Variants in SRC observed in about 807,000 individuals in gnomAD.
SRC encodes SRC proto-oncogene, non-receptor tyrosine kinase.
SRC carries 13 observed loss-of-function variants against 62.9 expected under a neutral mutation model. That is an observed-to-expected ratio of 0.21 (90% CI 0.13 to 0.33). The LOEUF (loss-of-function observed/expected upper bound fraction) is 0.33. Among genes scored for constraint, SRC ranks in the 10% least tolerant of loss-of-function variants. The probability of loss-of-function intolerance (pLI) is 1.00; values close to 1 mark genes in which losing one functional copy is unlikely to be tolerated. For missense variants in SRC, 457 were observed against 737.3 expected, an observed-to-expected ratio of 0.62 and a Z score of 4.40; for synonymous variants, 302 against 317.5, an observed-to-expected ratio of 0.95 and a Z score of 0.52.
At chr20:37,377,370 T>G (rs181082043) in intron 2 of SRC, among the ~76,000 whole-genome samples, 1 of 152,342 alleles carries the variant, frequency 6.6e-6, no homozygotes, top group African/African-American at 2.4e-5. Flanking sequence ...CAGCCAGGAC[T>G]CGAACCCAGG....
intron 1 of SRC, among the ~76,000 whole-genome samples, chr20:37,355,933 C>A (rs1392134584): frequency 6.6e-6 from 1 of 152,186 alleles, no homozygotes; most frequent in African/African-American, 2.4e-5. Context: ...ACAGGGCACT[C>A]AGGCTTGGGC....
chr20:37,355,250 G>A (rs1432908733), intron 1 of SRC, among the ~76,000 whole-genome samples: 4 of 68,788 alleles, frequency 5.8e-5, no homozygotes, highest in Admixed American at 1.7e-4. Flanking sequence ...CCCCCACCCC[G>A]CCAGGTGTTC....
chr20:37,395,414 T>G lies in SRC; in HGVS notation c.554-748T>G, dbSNP rs1252590692. On this transcript the variant is annotated intron_variant, in intron 7 of 13. Transcript: ENST00000373578. Reference sequence around the variant, plus strand: ...CTGCCCCTGCCTCCGGGGCTCAGCCTTGTTCCCTGATGCCATTTGGGCGTC... The same window carrying G: ...CTGCCCCTGCCTCCGGGGCTCAGCCGTGTTCCCTGATGCCATTTGGGCGTC... Among the ~76,000 whole-genome samples, 3 of 152,242 alleles carry G rather than the reference T, an allele frequency of 2.0e-5. No individual in the cohort carries two copies. The East Asian group carries it at 5.8e-4, about 29-fold the overall frequency.
intron 1 of SRC, among the ~76,000 whole-genome samples, chr20:37,355,660 A>G (rs944291553): frequency 5.9e-5 from 9 of 152,202 alleles, no homozygotes; most frequent in Non-Finnish European, 1.0e-4. Flanking sequence ...GGTAGGGGCC[A>G]TATGAACTAT....
At chr20:37,393,853 C>G (rs370777546) in intron 5 of SRC, 42 bp from the exon 6 acceptor site, 5 of 1,491,352 alleles carry the variant, frequency 3.4e-6, no homozygotes, top group Non-Finnish European at 9.3e-7. Context: ...TTGTGGCTGA[C>G]GGCTCCCTTC....
At chr20:37,375,103 G>A (rs6012064) in intron 2 of SRC, among the ~76,000 whole-genome samples, 33,525 of 151,044 alleles carry the variant, frequency 0.22, 5,379 homozygotes, top group African/African-American at 0.46. Context: ...ACTAATTTTT[G>A]TATTTTTAGT....
Position 37,382,614 on chromosome 20 carries a change from T to A in SRC, c.-172-5T>A, listed in dbSNP as rs1012290458. 5.3e-5 allele frequency: 8 copies of A among 152,292 alleles called. No homozygotes were observed. Among genetic ancestry groups the A allele is most frequent in the African/African-American group, 1.9e-4 (8 of 41,456 alleles). 9.4% of individuals were successfully genotyped at this position (152,292 alleles called of 1,614,324 possible). ...TGAGATGTCTGCTTTATCCCTGCTTTGCAGATGAGGACGCTGAGGCCCAGA... is the reference window on the plus strand; with the variant it reads ...TGAGATGTCTGCTTTATCCCTGCTTAGCAGATGAGGACGCTGAGGCCCAGA... On this transcript the variant is annotated splice_region_variant and splice_polypyrimidine_tract_variant and intron_variant, in intron 2 of 13. Coordinates refer to ENST00000373578, the MANE Select transcript of SRC (RefSeq NM_198291.3).
chr20:37,380,384 A>T (rs1372414211), intron 2 of SRC, among the ~76,000 whole-genome samples: 2 of 151,840 alleles, frequency 1.3e-5, no homozygotes, highest in Non-Finnish European at 2.9e-5. Flanking sequence ...AAGTTCTTCA[A>T]CCTCTCTGTG....
intron 5 of SRC, among the ~76,000 whole-genome samples, chr20:37,392,964 C>T (rs997699177): frequency 2.6e-5 from 4 of 152,166 alleles, no homozygotes; most frequent in African/African-American, 9.7e-5. Context: ...TCCTCTGTGT[C>T]TCTGGACCCC....
At chr20:37,380,174 T>C (rs1261188449) in intron 2 of SRC, among the ~76,000 whole-genome samples, 1 of 152,132 alleles carries the variant, frequency 6.6e-6, no homozygotes, top group Non-Finnish European at 1.5e-5. Context: ...AAGGACGTTC[T>C]GCTCGGAGCT....
At position 37,351,503 on chromosome 20, in the gene SRC, C is replaced by T. The variant is rs2069800471; in HGVS notation, c.-247+5248C>T. Among the ~76,000 whole-genome samples, 2 of 152,248 alleles carry T rather than the reference C, an allele frequency of 1.3e-5. No homozygotes were observed. The highest frequency in any genetic ancestry group is 2.1e-4 in the South Asian group (1 of 4,818). ...AACGGGTTCTTTTGAACCCTTGGAC[C>T]TGCTGGGCTATGAGGCTGGCACAGG... On this transcript the variant is annotated intron_variant, in intron 1 of 13. Transcript: ENST00000373578. This position sits in a 1 kb window ranked among gnomAD's most constrained non-coding sequence, Gnocchi z 4.4.
chr20:37,359,590 G>A (rs2069934722), intron 1 of SRC, among the ~76,000 whole-genome samples: 1 of 152,248 alleles, frequency 6.6e-6, no homozygotes, highest in African/African-American at 2.4e-5. Context: ...CCCCGAGGCA[G>A]GGGAGAGCCT....
chr20:37,346,821 C>T (rs1366031876), intron 1 of SRC, among the ~76,000 whole-genome samples: 1 of 152,232 alleles, frequency 6.6e-6, no homozygotes. Context: ...TTTGGTCTCC[C>T]CTGCCCACAG....
Position 37,405,230 on chromosome 20 carries a change from CTT to C in SRC, c.*1863_*1864del, listed in dbSNP as rs11479944. ...TTGTGTAAGGTGTCTTAATACTGTC[CTT>C]TTTTTTTTTTTAACAGTGTTTTGTA... On this transcript the variant is annotated 3_prime_UTR_variant, in exon 14 of 14. Coordinates refer to ENST00000373578, the MANE Select transcript of SRC (RefSeq NM_198291.3). The C allele has an allele frequency of 1.0e-3, 198 of 192,650 alleles. No individual in the cohort carries two copies. The highest frequency in any genetic ancestry group is 1.7e-3 in the Middle Eastern group (1 of 606). The allele number at this position is 192,650 out of a possible 1,614,324, so 11.9% of individuals were successfully genotyped here.
chr20:37,396,243 G>A lies in SRC; in HGVS notation c.635G>A (p.Ser212Asn). 1 of 1,614,056 alleles carries A rather than the reference G, an allele frequency of 6.2e-7. No homozygotes were observed. The highest frequency in any genetic ancestry group is 8.5e-7 in the Non-Finnish European group (1 of 1,180,006). Residue 212 changes from serine (S) to asparagine (N), a missense_variant, in exon 8 of 14, where the codon AGC (serine) becomes AAC (asparagine). Coordinates refer to ENST00000373578, the MANE Select transcript of SRC (RefSeq NM_198291.3). The surrounding 1 kb of genome is among the most constrained non-coding windows in gnomAD (Gnocchi z 6.1). ...VKHYKIRKLD[S>N]GGFYITSRTQ... The stretch of plus-strand genomic sequence containing the variant: ...CACTACAAGATCCGCAAGCTGGACA[G>A]CGGCGGCTTCTACATCACCTCCCGC...
chr20:37,366,203 T>C (rs181835400), intron 2 of SRC, among the ~76,000 whole-genome samples: 1 of 152,172 alleles, frequency 6.6e-6, no homozygotes, highest in African/African-American at 2.4e-5. Flanking sequence ...GTAATTGTGA[T>C]AGGTATTGCC....
intron 2 of SRC, among the ~76,000 whole-genome samples, chr20:37,381,782 A>G (rs1568633065): frequency 6.6e-6 from 1 of 152,072 alleles, no homozygotes. Flanking sequence ...GGGTATCGTG[A>G]CCTCAATGGA....
chr20:37,384,501 T>G lies in SRC; in HGVS notation c.250+98T>G. On this transcript the variant is annotated intron_variant, in intron 4 of 13. Coordinates refer to ENST00000373578, the MANE Select transcript of SRC (RefSeq NM_198291.3). The surrounding 1 kb of genome is among the most constrained non-coding windows in gnomAD (Gnocchi z 6.7). ...GGGGTCGCCCCCTCTGCGCAGGCCC[T>G]TCCTCTCGCCAGGGGTAGCGCCCCT... is the stretch of plus-strand genomic sequence containing the variant. 8.4e-7 allele frequency: 1 copy of G among 1,184,722 alleles called. No individual in the cohort carries two copies. 73.4% of individuals were successfully genotyped at this position (1,184,722 alleles called of 1,614,324 possible). A position where few individuals can be genotyped will look rare whatever the true frequency, so the allele number is the denominator to read the frequency against.
At chr20:37,346,064 C>T (rs1034071088), upstream of SRC, 7 of 154,568 alleles carry the variant, frequency 4.5e-5, no homozygotes, top group East Asian at 1.9e-4. Flanking sequence ...CTCCTCTTCC[C>T]CTCCCCGGGC....
Sources: gnomAD v4.1 joint callset for allele counts (sites outside exome capture counted in the v4.1 genomes callset) on GRCh38, gnomAD v4.1.1 for gene constraint, Gnocchi (gnomAD v3.1) non-coding constraint, MANE v1.5 for transcripts, NCBI Gene and HGNC (gene_info 2026-07-23, HGNC 2026-07-21) for gene names.